Variants in SLCO1B1 observed in about 807,000 individuals in gnomAD.
The protein encoded by SLCO1B1 is OATP-2.
Under a neutral mutation model 70.1 loss-of-function variants are expected in SLCO1B1, and 81 were observed. That is an observed-to-expected ratio of 1.16 (90% CI 0.97 to 1.39). The LOEUF (loss-of-function observed/expected upper bound fraction) is 1.39. SLCO1B1 is among the 40% of genes most tolerant of loss of function. The probability of loss-of-function intolerance (pLI) is 0.00; values close to 1 mark genes in which losing one functional copy is unlikely to be tolerated. For missense variants in SLCO1B1, 895 were observed against 799.6 expected (o/e 1.12, Z -1.44); for synonymous variants, 283 against 271.5 (o/e 1.04, Z -0.42).
intron 2 of SLCO1B1, among the ~76,000 whole-genome samples, chr12:21,162,178 TAC>T (rs1940627884): frequency 6.6e-6 from 1 of 151,934 alleles, no homozygotes; most frequent in Non-Finnish European, 1.5e-5. Context: ...TGCATGAAGA[TAC>T]ACTAATATAT....
At chr12:21,204,453 C>T (rs1941191207) in intron 10 of SLCO1B1, among the ~76,000 whole-genome samples, 2 of 151,122 alleles carry the variant, frequency 1.3e-5, no homozygotes, top group African/African-American at 4.9e-5. Flanking sequence ...TAACAAAATC[C>T]CTTTGGAACA....
intron 14 of SLCO1B1, 124 bp from the exon 15 acceptor site, chr12:21,238,855 A>T (rs1452547379): frequency 1.9e-6 from 1 of 538,410 alleles, no homozygotes; most frequent in Non-Finnish European, 3.2e-6. Flanking sequence ...GAATTATTAG[A>T]ATTATTGTCT....
chr12:21,196,860 A>G (rs1941097818), intron 7 of SLCO1B1, 86 bp from the exon 8 acceptor site: 2 of 1,328,924 alleles, frequency 1.5e-6, no homozygotes, highest in Non-Finnish European at 1.1e-6. Flanking sequence ...GAGGAAATGT[A>G]GTTTACTTTC....
chr12:21,191,066 A>G (rs1380016796), intron 7 of SLCO1B1, among the ~76,000 whole-genome samples: 4 of 152,002 alleles, frequency 2.6e-5, no homozygotes, highest in Non-Finnish European at 5.9e-5. Flanking sequence ...ACATTTTGTA[A>G]TTAGGAAATA....
chr12:21,185,785 G>A (rs998973011), intron 7 of SLCO1B1, among the ~76,000 whole-genome samples: 5 of 151,798 alleles, frequency 3.3e-5, no homozygotes, highest in African/African-American at 1.2e-4. Flanking sequence ...AAAACCAAGA[G>A]TTTGTTATTC....
At chr12:21,226,226 C>A (rs2121195860) in intron 14 of SLCO1B1, among the ~76,000 whole-genome samples, 1 of 151,790 alleles carries the variant, frequency 6.6e-6, no homozygotes, top group East Asian at 1.9e-4. Flanking sequence ...CCAGCCTGGA[C>A]AACATGACAA....
At chr12:21,177,763 CA>C (rs1940840046) in intron 5 of SLCO1B1, among the ~76,000 whole-genome samples, 1 of 151,664 alleles carries the variant, frequency 6.6e-6, no homozygotes, top group Non-Finnish European at 1.5e-5. Flanking sequence ...AATAAAACAA[CA>C]AAAAAGAAAT....
At chr12:21,164,405 C>T (rs1940659959) in intron 2 of SLCO1B1, among the ~76,000 whole-genome samples, 1 of 152,064 alleles carries the variant, frequency 6.6e-6, no homozygotes. Flanking sequence ...ATTTTCCCCA[C>T]CTCCTGTTGG....
chr12:21,134,274 G>A (rs970073437), intron 1 of SLCO1B1, among the ~76,000 whole-genome samples: 9 of 152,282 alleles, frequency 5.9e-5, no homozygotes, highest in African/African-American at 2.2e-4. Flanking sequence ...TGTTCATCAA[G>A]GATATTGGTC....
chr12:21,144,009 A>G (rs1373526833), intron 2 of SLCO1B1, among the ~76,000 whole-genome samples: 1 of 118,744 alleles, frequency 8.4e-6, no homozygotes, highest in Non-Finnish European at 2.1e-5. Flanking sequence ...GAGAAATCAA[A>G]TACTTGAATT....
At chr12:21,159,953 A>C (rs757600071) in intron 2 of SLCO1B1, among the ~76,000 whole-genome samples, 2 of 152,040 alleles carry the variant, frequency 1.3e-5, no homozygotes, top group Non-Finnish European at 2.9e-5. Context: ...CTTATGAAAC[A>C]CTGCTCAAAG....
intron 11 of SLCO1B1, among the ~76,000 whole-genome samples, chr12:21,211,177 G>A (rs1471080204): frequency 6.6e-6 from 1 of 152,136 alleles, no homozygotes; most frequent in East Asian, 1.9e-4. Flanking sequence ...TGCCCATTCA[G>A]TATGATATTG....
intron 7 of SLCO1B1, among the ~76,000 whole-genome samples, chr12:21,184,820 G>T (rs1014183024): frequency 1.3e-5 from 2 of 152,074 alleles, no homozygotes; most frequent in Admixed American, 1.3e-4. Context: ...TGAGTGACAA[G>T]CTTCATAAGT....
chr12:21,224,625 G>T (rs4149080), intron 13 of SLCO1B1, 97 bp from the exon 14 acceptor site: 1 of 797,776 alleles, frequency 1.3e-6, no homozygotes, highest in South Asian at 1.5e-5. Flanking sequence ...CCAAATTTTT[G>T]AACTTTTATT....
intron 10 of SLCO1B1, 114 bp downstream of exon 10, chr12:21,202,800 AGAAATTT>A: frequency 1.2e-6 from 1 of 858,684 alleles, no homozygotes; most frequent in Non-Finnish European, 1.8e-6. Context: ...TTAAGTTAAG[AGAAATTT>A]CAATTTTAAA....
chr12:21,221,311 GAGCAATC>G (rs1941421377), intron 12 of SLCO1B1, among the ~76,000 whole-genome samples: 1 of 152,084 alleles, frequency 6.6e-6, no homozygotes, highest in Non-Finnish European at 1.5e-5. Context: ...GTCCTAGCTA[GAGCAATC>G]AGGCAATAGA....
intron 14 of SLCO1B1, among the ~76,000 whole-genome samples, chr12:21,233,034 T>A (rs1049931408): frequency 6.6e-6 from 1 of 152,176 alleles, no homozygotes; most frequent in African/African-American, 2.4e-5. Flanking sequence ...CACCCCAGCC[T>A]AGCAAAATAC....
At position 21,137,856 on chromosome 12, in the gene SLCO1B1, G is replaced by A. The variant is rs143999866; in HGVS notation, c.-61-3658G>A. Among the ~76,000 whole-genome samples the A allele has an allele frequency of 5.2e-3, 799 of 152,258 alleles. 13 individuals are homozygous for A. The highest frequency in any genetic ancestry group is 0.018 in the African/African-American group (766 of 41,548). Reference sequence around the variant, plus strand: ...CTTCACCCACTGTCCTGCACCTACTGTCTGGCACTCCCCAGTGAGATGAAC... The same window carrying A: ...CTTCACCCACTGTCCTGCACCTACTATCTGGCACTCCCCAGTGAGATGAAC... On this transcript the variant is annotated intron_variant, in intron 1 of 14. Transcript: ENST00000256958.
chr12:21,239,023 T>A lies in SLCO1B1; in HGVS notation c.1910T>A (p.Leu637His), dbSNP rs112560299. 5 of 1,588,142 alleles carry A rather than the reference T, an allele frequency of 3.1e-6. No individual in the cohort carries two copies. The highest frequency in any genetic ancestry group is 2.7e-5 in the African/African-American group (2 of 74,372). Residue 637 changes from leucine to histidine, a missense_variant, in exon 15 of 15, where the codon CTT becomes CAT. By Grantham distance (99) the Leu-to-His change is moderately conservative. Coordinates refer to ENST00000256958, the MANE Select transcript of SLCO1B1 (RefSeq NM_006446.5). ...TCTTCAATGTTAAGAGTCTCATCAC[T>A]TGTTTTATATATTATATTAATTTAT... is the stretch of plus-strand genomic sequence containing the variant. ...GLSSMLRVSS[L>H]VLYIILIYAM...
Sources: gnomAD v4.1 joint callset for allele counts (sites outside exome capture counted in the v4.1 genomes callset) on GRCh38, gnomAD v4.1.1 for gene constraint, MANE v1.5 for transcripts, NCBI Gene and HGNC (gene_info 2026-07-23, HGNC 2026-07-21) for gene names.